The following RBFOX1 variants were observed in gnomAD, a reference collection of about 807,000 sequenced individuals.
RBFOX1 encodes the protein RNA binding fox-1 homolog 1, also known as RNA binding protein fox-1 homolog 1.
In RBFOX1, 8 loss-of-function variants were observed where a neutral mutation model predicts 57.7. The observed-to-expected ratio is 0.14, with a 90% CI of 0.08 to 0.25. The LOEUF (loss-of-function observed/expected upper bound fraction) is 0.25, where lower values mean the gene tolerates loss of function less well. RBFOX1 is among the 10% of genes least tolerant of loss of function. RBFOX1 has a pLI of 1.00. For missense variants in RBFOX1, 611 were observed against 548.5 expected (o/e 1.11, Z -1.14); for synonymous variants, 326 against 222.4 (o/e 1.47, Z -4.15).
At chr16:7,247,575 A>G (rs1901071015) in intron 4 of RBFOX1, among the ~76,000 whole-genome samples, 1 of 152,222 alleles carries the variant, frequency 6.6e-6, no homozygotes, top group African/African-American at 2.4e-5. Context: ...TTATGTTAAC[A>G]AAAGCTAAAA....
intron 2 of RBFOX1, among the ~76,000 whole-genome samples, chr16:6,641,821 G>C (rs372731352): frequency 8.2e-4 from 123 of 149,902 alleles, no homozygotes; most frequent in African/African-American, 2.7e-3. Flanking sequence ...TTGTTGCTCT[G>C]GGACTTGCTC....
intron 2 of RBFOX1, among the ~76,000 whole-genome samples, chr16:6,324,873 A>G (rs1176658475): frequency 6.6e-6 from 1 of 152,208 alleles, no homozygotes; most frequent in African/African-American, 2.4e-5. Context: ...TTACGACCAG[A>G]AGCAGTCAGT....
intron 3 of RBFOX1, among the ~76,000 whole-genome samples, chr16:6,759,781 G>C (rs953426304): frequency 1.3e-5 from 2 of 152,138 alleles, no homozygotes; most frequent in South Asian, 2.1e-4. Flanking sequence ...AATAAGGAAT[G>C]TGTGCCAAGA....
At chr16:7,188,428 G>A (rs1217643413) in intron 4 of RBFOX1, among the ~76,000 whole-genome samples, 1 of 152,176 alleles carries the variant, frequency 6.6e-6, no homozygotes, top group Non-Finnish European at 1.5e-5. Context: ...GTTTCAAAAT[G>A]CTATTTAGAG....
rs182543197 is a variant in RBFOX1 at position 6,241,112 on chromosome 16, A to C, written c.-126-75883A>C. 2.0e-3 allele frequency among the ~76,000 whole-genome samples: 298 copies of C among 152,344 alleles called. 5 individuals are homozygous for C. The highest frequency in any genetic ancestry group is 3.0e-3 in the Admixed American group (46 of 15,300). ...CCTGGAAATAAAACCCAATCTCAAC[A>C]GTCTTTGGATATCAATAATTAATGT... On this transcript the variant is annotated intron_variant, in intron 1 of 15. Transcript: ENST00000550418.
At chr16:6,052,716 G>A (rs997470541) in intron 1 of RBFOX1, among the ~76,000 whole-genome samples, 44 of 151,740 alleles carry the variant, frequency 2.9e-4, no homozygotes, top group African/African-American at 1.0e-3. Context: ...CCCGGGAGGC[G>A]GAGCTTGCAG....
chr16:7,084,902 C>A (rs1362935027), intron 4 of RBFOX1, among the ~76,000 whole-genome samples: 1 of 152,124 alleles, frequency 6.6e-6, no homozygotes, highest in Non-Finnish European at 1.5e-5. Flanking sequence ...GTTTGTCCAA[C>A]CAGCCATTCA....
Position 6,057,196 on chromosome 16 carries a change from T to C in RBFOX1, c.-127+37204T>C, listed in dbSNP as rs111398465. 3.3e-5 allele frequency: 5 copies of C among 152,314 alleles called. 1 individual carries two copies. The highest frequency in any genetic ancestry group is 1.2e-4 in the African/African-American group (5 of 41,578). The allele number at this position is 152,314 out of a possible 1,614,324, so 9.4% of individuals were successfully genotyped here. A position where few individuals can be genotyped will look rare whatever the true frequency, so the allele number is the denominator to read the frequency against. The stretch of plus-strand genomic sequence containing the variant: ...ATTAGATTGCATGGAGGCTAAGTAC[T>C]AATGTTGATATTTACAGTGCTTAAA... On this transcript the variant is annotated intron_variant, in intron 1 of 15. Coordinates refer to ENST00000550418, the MANE Select transcript of RBFOX1 (RefSeq NM_018723.4).
At chr16:7,448,449 G>T (rs950910895) in intron 4 of RBFOX1, among the ~76,000 whole-genome samples, 55 of 152,152 alleles carry the variant, frequency 3.6e-4, no homozygotes, top group African/African-American at 1.3e-3. Context: ...ATGGCGGCAG[G>T]CAAGAGAGTG....
intron 4 of RBFOX1, among the ~76,000 whole-genome samples, chr16:5,869,023 G>A (rs1274740321): frequency 6.6e-6 from 1 of 152,192 alleles, no homozygotes; most frequent in Non-Finnish European, 1.5e-5. Context: ...TCACAGAAGA[G>A]TGAACTGGGA....
intron 4 of RBFOX1, among the ~76,000 whole-genome samples, chr16:7,390,246 C>T (rs756426092): frequency 6.6e-6 from 1 of 152,148 alleles, no homozygotes; most frequent in Non-Finnish European, 1.5e-5. Context: ...TACAGCTGGA[C>T]ATGAGATTTG....
Position 6,847,255 on chromosome 16 carries a change from T to C in RBFOX1, c.-16+192605T>C, listed in dbSNP as rs1166534636. Among the ~76,000 whole-genome samples, 7 of 152,288 alleles carry C rather than the reference T, an allele frequency of 4.6e-5. No individual in the cohort carries two copies. The East Asian group carries it at 1.4e-3, about 29-fold the overall frequency. Reference sequence around the variant, plus strand: ...TATACAACATGTATCTCTCATGCCTTTCTAGGCTGGCTGGGGTTTGGCTGG... The same window carrying C: ...TATACAACATGTATCTCTCATGCCTCTCTAGGCTGGCTGGGGTTTGGCTGG... On this transcript the variant is annotated intron_variant, in intron 3 of 15. Transcript: ENST00000550418.
chr16:6,269,540 C>G (rs1177903624), intron 1 of RBFOX1, among the ~76,000 whole-genome samples: 1 of 152,176 alleles, frequency 6.6e-6, no homozygotes, highest in Admixed American at 6.5e-5. Flanking sequence ...TGAAAGAGAA[C>G]AGATTTCTCA....
intron 3 of RBFOX1, among the ~76,000 whole-genome samples, chr16:6,973,226 G>A (rs1247844996): frequency 6.6e-6 from 1 of 152,040 alleles, no homozygotes; most frequent in African/African-American, 2.4e-5. Flanking sequence ...GATATCAGGG[G>A]TTCTTCCCCA....
intron 4 of RBFOX1, among the ~76,000 whole-genome samples, chr16:5,930,923 T>G: frequency 2.2e-5 from 1 of 45,862 alleles, no homozygotes; most frequent in Non-Finnish European, 4.1e-5. Context: ...CATGGTTGGG[T>G]AGGTGGGAGG....
chr16:5,943,713 G>A (rs144355963), intron 4 of RBFOX1, among the ~76,000 whole-genome samples: 23 of 152,304 alleles, frequency 1.5e-4, no homozygotes, highest in Non-Finnish European at 2.8e-4. Context: ...GAGGCTGAAT[G>A]TATCAACAGT....
At chr16:5,395,813 A>G (rs1354478624) in intron 1 of RBFOX1, among the ~76,000 whole-genome samples, 1 of 152,234 alleles carries the variant, frequency 6.6e-6, no homozygotes, top group African/African-American at 2.4e-5. Context: ...GTATGCGGCC[A>G]TTTGGGAGAA....
intron 4 of RBFOX1, among the ~76,000 whole-genome samples, chr16:7,368,919 C>T (rs2097517735): frequency 6.6e-6 from 1 of 152,082 alleles, no homozygotes; most frequent in Non-Finnish European, 1.5e-5. Flanking sequence ...TGGGAGGTTT[C>T]ATTCATTTTT....
At chr16:6,063,703 C>T (rs1166948147) in intron 1 of RBFOX1, among the ~76,000 whole-genome samples, 6 of 152,136 alleles carry the variant, frequency 3.9e-5, no homozygotes, top group Non-Finnish European at 7.4e-5. Flanking sequence ...AAGTGGGGTC[C>T]TGTCACCAGG....
Sources: gnomAD v4.1 joint callset for allele counts (sites outside exome capture counted in the v4.1 genomes callset) on GRCh38, gnomAD v4.1.1 for gene constraint, MANE v1.5 for transcripts, NCBI Gene and HGNC (gene_info 2026-07-23, HGNC 2026-07-21) for gene names.